The following VAV3 variants were observed in gnomAD, a reference collection of about 807,000 sequenced individuals.
The protein encoded by VAV3 is guanine nucleotide exchange factor VAV3.
A neutral mutation model predicts 131.2 loss-of-function variants in VAV3; 94 were observed. That is an observed-to-expected ratio of 0.72 (90% CI 0.61 to 0.85). The LOEUF (loss-of-function observed/expected upper bound fraction) is 0.85, where lower values mean the gene tolerates loss of function less well. Ranked by LOEUF, VAV3 falls within the 40% of genes least tolerant of loss-of-function variation. The pLI, the probability that VAV3 is intolerant of heterozygous loss-of-function variation, is 0.00. For missense variants in VAV3, 939 were observed against 1,002.7 expected (o/e 0.94, Z 0.86); for synonymous variants, 349 against 342.0 (o/e 1.02, Z -0.22).
intron 2 of VAV3, among the ~76,000 whole-genome samples, chr1:107,864,767 C>T (rs1034588645): frequency 1.3e-5 from 2 of 152,214 alleles, no homozygotes; most frequent in African/African-American, 4.8e-5. Context: ...TTTCTTTCCT[C>T]AGTGGCACTT....
intron 19 of VAV3, among the ~76,000 whole-genome samples, chr1:107,661,463 A>G (rs1014810855): frequency 5.9e-5 from 9 of 152,184 alleles, no homozygotes; most frequent in African/African-American, 1.7e-4. Context: ...CCTTTGTTCA[A>G]CTGTGTTTCT....
chr1:107,834,302 G>C (rs1327679879), intron 2 of VAV3, among the ~76,000 whole-genome samples: 2 of 152,078 alleles, frequency 1.3e-5, no homozygotes, highest in Non-Finnish European at 2.9e-5. Flanking sequence ...CAATGTCTCT[G>C]CTGTTGTCAA....
intron 1 of VAV3, among the ~76,000 whole-genome samples, chr1:107,915,002 TAGAG>T (rs1444059966): frequency 6.6e-6 from 1 of 152,122 alleles, no homozygotes; most frequent in African/African-American, 2.4e-5. Context: ...TGGAAGGCAT[TAGAG>T]AGAGAGACAG....
intron 2 of VAV3, among the ~76,000 whole-genome samples, chr1:107,809,803 A>G (rs146049333): frequency 9.7e-4 from 147 of 152,290 alleles, no homozygotes; most frequent in African/African-American, 3.3e-3. Flanking sequence ...AATAATCCAA[A>G]CATTATGACA....
intron 25 of VAV3, among the ~76,000 whole-genome samples, chr1:107,587,488 A>C (rs192131863): frequency 3.9e-5 from 6 of 152,306 alleles, no homozygotes; most frequent in African/African-American, 1.4e-4. Flanking sequence ...AGTAAAACCA[A>C]ATTCTTGGAT....
At chr1:107,604,407 A>G (rs1652106309) in intron 22 of VAV3, among the ~76,000 whole-genome samples, 1 of 152,210 alleles carries the variant, frequency 6.6e-6, no homozygotes, top group Non-Finnish European at 1.5e-5. Context: ...AAGAAAAGTT[A>G]TAACAACTCA....
chr1:107,646,975 A>T (rs1231767635), intron 19 of VAV3, among the ~76,000 whole-genome samples: 2 of 151,968 alleles, frequency 1.3e-5, no homozygotes, highest in Non-Finnish European at 2.9e-5. Context: ...TGCTTTTTTT[A>T]AAAGTTAATT....
chr1:107,887,617 T>C (rs762135299), intron 1 of VAV3, among the ~76,000 whole-genome samples: 29 of 152,084 alleles, frequency 1.9e-4, no homozygotes, highest in Non-Finnish European at 4.4e-5. Flanking sequence ...ATTCAGAAAG[T>C]TTTTAAAAAT....
At chr1:107,916,018 G>T (rs2101133502) in intron 1 of VAV3, among the ~76,000 whole-genome samples, 1 of 152,152 alleles carries the variant, frequency 6.6e-6, no homozygotes, top group South Asian at 2.1e-4. Flanking sequence ...CAGCGTAGAA[G>T]TTCAGAGAAG....
chr1:107,573,240 T>A lies in VAV3; in HGVS notation c.*91A>T. 1 of 1,465,104 alleles carries A rather than the reference T, an allele frequency of 6.8e-7. No individual in the cohort carries two copies. Among genetic ancestry groups the A allele is most frequent in the South Asian group, 1.2e-5 (1 of 80,370 alleles). 90.8% of individuals were successfully genotyped at this position (1,465,104 alleles called of 1,614,324 possible). On this transcript the variant is annotated 3_prime_UTR_variant, in exon 27 of 27. Coordinates refer to ENST00000370056, the MANE Select transcript of VAV3 (RefSeq NM_006113.5). ...TTGAACAGCCAGAAATGCAGCTTTT[T>A]AAACACTTCAGTTAATTCACGATGC... is the stretch of plus-strand genomic sequence containing the variant.
At chr1:107,751,417 T>A (rs1405505366) in intron 12 of VAV3, among the ~76,000 whole-genome samples, 1 of 152,140 alleles carries the variant, frequency 6.6e-6, no homozygotes, top group African/African-American at 2.4e-5. Context: ...GGACATCAAT[T>A]GATTTTAATT....
chr1:107,746,261 A>G (rs1287228149), intron 15 of VAV3, among the ~76,000 whole-genome samples: 2 of 152,200 alleles, frequency 1.3e-5, no homozygotes, highest in Non-Finnish European at 2.9e-5. Context: ...ATGCCTGCTC[A>G]GATTTTATTT....
intron 1 of VAV3, among the ~76,000 whole-genome samples, chr1:107,958,650 T>C (rs1433501888): frequency 6.6e-6 from 1 of 152,178 alleles, no homozygotes; most frequent in Non-Finnish European, 1.5e-5. Flanking sequence ...CATTATACTT[T>C]AAGTTCTGGG....
chr1:107,953,582 C>T (rs1005089609), intron 1 of VAV3, among the ~76,000 whole-genome samples: 6 of 152,170 alleles, frequency 3.9e-5, no homozygotes, highest in Admixed American at 2.6e-4. Context: ...TGTAAGTATC[C>T]GCTGCTATTG....
chr1:107,804,611 G>A (rs538283521), intron 2 of VAV3, among the ~76,000 whole-genome samples: 4 of 152,170 alleles, frequency 2.6e-5, no homozygotes, highest in African/African-American at 9.6e-5. Flanking sequence ...ACAGGTTTCT[G>A]TAGCTATTAT....
intron 15 of VAV3, among the ~76,000 whole-genome samples, chr1:107,745,292 G>T (rs1663270944): frequency 6.6e-6 from 1 of 151,810 alleles, no homozygotes; most frequent in African/African-American, 2.4e-5. Context: ...ATGCCCCCCA[G>T]AACTACAGCC....
chr1:107,764,350 C>T (rs1664615224), intron 9 of VAV3, among the ~76,000 whole-genome samples: 2 of 152,160 alleles, frequency 1.3e-5, no homozygotes, highest in African/African-American at 4.8e-5. Context: ...CCTCTACAAT[C>T]TACCCACACT....
At chr1:107,640,468 G>A (rs977830179) in intron 20 of VAV3, among the ~76,000 whole-genome samples, 28 of 152,202 alleles carry the variant, frequency 1.8e-4, no homozygotes, top group Non-Finnish European at 3.8e-4. Flanking sequence ...TGCGCAAGGC[G>A]GAACAAAGCA....
At chr1:107,816,308 A>G (rs994625180) in intron 2 of VAV3, among the ~76,000 whole-genome samples, 3 of 152,252 alleles carry the variant, frequency 2.0e-5, no homozygotes, top group African/African-American at 7.2e-5. Flanking sequence ...CTATTTTCTC[A>G]TATAAAGTGA....
Sources: gnomAD v4.1 joint callset for allele counts (sites outside exome capture counted in the v4.1 genomes callset) on GRCh38, gnomAD v4.1.1 for gene constraint, MANE v1.5 for transcripts, NCBI Gene and HGNC (gene_info 2026-07-23, HGNC 2026-07-21) for gene names.